The following COPZ1 variants were observed in gnomAD, a reference collection of about 807,000 sequenced individuals.
COPZ1 encodes coatomer subunit zeta-1.
In COPZ1, 4 loss-of-function variants were observed where a neutral mutation model predicts 31.7. The ratio of observed to expected loss-of-function variants is 0.13; its 90% CI spans 0.06 to 0.29. The LOEUF (loss-of-function observed/expected upper bound fraction) is 0.29, where lower values mean the gene tolerates loss of function less well. Ranked by LOEUF, COPZ1 falls within the 10% of genes least tolerant of loss-of-function variation. The pLI is 1.00. For synonymous variants in COPZ1, 74 were observed against 79.0 expected, an observed-to-expected ratio of 0.94 and a Z score of 0.33; for missense variants, 156 against 211.5, an observed-to-expected ratio of 0.74 and a Z score of 1.63.
chr12:54,345,039 TA>T lies in COPZ1; in HGVS notation c.262-420del, dbSNP rs781439338. 1.7e-4 allele frequency: 27 copies of T among 154,868 alleles called. No homozygotes were observed. In the South Asian group the frequency reaches 5.1e-3, roughly 29 times the overall value. The allele number at this position is 154,868 out of a possible 1,614,324, so 9.6% of individuals were successfully genotyped here. A position where few individuals can be genotyped will look rare whatever the true frequency, so the allele number is the denominator to read the frequency against. On this transcript the variant is annotated intron_variant, in intron 4 of 8. Transcript: ENST00000262061. ...AAAGTGCTGGGATAGAGTCAGAGTC[TA>T]GACAGGGTCTAGACGTTACAGGTGT...
intron 7 of COPZ1, among the ~76,000 whole-genome samples, chr12:54,348,519 A>T (rs1488915696): frequency 1.3e-5 from 2 of 152,214 alleles, no homozygotes; most frequent in Non-Finnish European, 2.9e-5. Flanking sequence ...CTGGCGGATC[A>T]CAAGGTCAGG....
intron 1 of COPZ1, among the ~76,000 whole-genome samples, chr12:54,332,047 CG>C (rs1953765682): frequency 6.6e-6 from 1 of 152,172 alleles, no homozygotes; most frequent in African/African-American, 2.4e-5. Context: ...CCAGCAAGGC[CG>C]GGCGCGGTGG....
intron 5 of COPZ1, 49 bp downstream of exon 5, chr12:54,345,564 A>G (rs1954047591): frequency 4.9e-6 from 7 of 1,432,816 alleles, no homozygotes; most frequent in Non-Finnish European, 6.9e-6. Flanking sequence ...TGGAAAGAGC[A>G]GGGCATTGTT....
At chr12:54,341,063 A>G (rs1953966246) in intron 2 of COPZ1, among the ~76,000 whole-genome samples, 1 of 152,038 alleles carries the variant, frequency 6.6e-6, no homozygotes, top group South Asian at 2.1e-4. Flanking sequence ...CCTTAGTTGT[A>G]CTGCTGCCCT....
chr12:54,342,943 G>A (rs1954000414), intron 3 of COPZ1, among the ~76,000 whole-genome samples: 2 of 139,240 alleles, frequency 1.4e-5, no homozygotes, highest in Admixed American at 7.9e-5. Context: ...TGCAACCTCC[G>A]CCTCCCAGGT....
chr12:54,327,914 A>G (rs1433661977), intron 1 of COPZ1, among the ~76,000 whole-genome samples: 1 of 149,890 alleles, frequency 6.7e-6, no homozygotes, highest in African/African-American at 2.5e-5. Context: ...GAAGATAATA[A>G]TTGGGGAGCC....
chr12:54,346,757 G>A (rs1361801397), intron 5 of COPZ1: 5 of 660,896 alleles, frequency 7.6e-6, no homozygotes, highest in Non-Finnish European at 2.8e-6. Flanking sequence ...TTGGGAGGCT[G>A]AGGTAGGAAG....
chr12:54,333,985 A>G (rs898597267), intron 1 of COPZ1, among the ~76,000 whole-genome samples: 3 of 152,136 alleles, frequency 2.0e-5, no homozygotes, highest in Admixed American at 2.0e-4. Context: ...GTAGTCAGCT[A>G]CTTGGGAGGC....
chr12:54,342,082 G>A (rs1320506658), intron 2 of COPZ1, 124 bp from the exon 3 acceptor site: 1 of 680,380 alleles, frequency 1.5e-6, no homozygotes, highest in Non-Finnish European at 2.7e-6. Flanking sequence ...TTCCATGTCA[G>A]TATTTCTCCC....
chr12:54,339,272 A>G (rs955574630), intron 1 of COPZ1, among the ~76,000 whole-genome samples: 1 of 151,816 alleles, frequency 6.6e-6, no homozygotes, highest in African/African-American at 2.4e-5. Flanking sequence ...AAAAAAAAAA[A>G]AAAAAGAAAG....
rs952484650 is a variant in COPZ1, at chr12:54,350,389, G to C, written c.487-87G>C. The C allele has an allele frequency of 1.3e-4, 136 of 1,017,838 alleles. 1 individual carries two copies. In the Middle Eastern group the frequency reaches 2.4e-3, roughly 18 times the overall value. The allele number at this position is 1,017,838 out of a possible 1,614,324, so 63.1% of individuals were successfully genotyped here. ...TCTCCATTCTTCTAAGGACAGGGAA[G>C]ACAAGTGAGGGGAAGGAGATCCCCA... On this transcript the variant is annotated intron_variant, in intron 8 of 8. Transcript: ENST00000262061.
At chr12:54,334,165 G>A (rs1330208070) in intron 1 of COPZ1, among the ~76,000 whole-genome samples, 1 of 151,752 alleles carries the variant, frequency 6.6e-6, no homozygotes, top group Non-Finnish European at 1.5e-5. Flanking sequence ...AGGTCAAGGT[G>A]GGCAGATCAC....
Position 54,351,816 on chromosome 12 carries a change from G to C in COPZ1, c.*1293G>C, listed in dbSNP as rs1476995450. ...GAAAACCACCTTCATAAACTGCTCT[G>C]TGCAAAGAGGAATAAAACATTTTTT... On this transcript the variant is annotated 3_prime_UTR_variant, in exon 9 of 9. Coordinates refer to ENST00000262061, the MANE Select transcript of COPZ1 (RefSeq NM_016057.3). 6.6e-6 allele frequency: 1 copy of C among 152,188 alleles called. No individual in the cohort carries two copies. Among genetic ancestry groups the C allele is most frequent in the Non-Finnish European group, 1.5e-5 (1 of 68,038 alleles). The allele number at this position is 152,188 out of a possible 1,614,324, so 9.4% of individuals were successfully genotyped here. A position where few individuals can be genotyped will look rare whatever the true frequency, so the allele number is the denominator to read the frequency against.
intron 4 of COPZ1, 149 bp downstream of exon 4, chr12:54,343,465 C>A: frequency 1.5e-6 from 1 of 656,180 alleles, no homozygotes; most frequent in Non-Finnish European, 2.7e-6. Flanking sequence ...ACCAGCCTCA[C>A]AAACATGGCC....
intron 1 of COPZ1, among the ~76,000 whole-genome samples, chr12:54,335,920 C>T (rs1359360419): frequency 1.3e-5 from 2 of 152,080 alleles, no homozygotes; most frequent in Non-Finnish European, 2.9e-5. Context: ...CTCTAGTGAT[C>T]TCCTGCCTCA....
At chr12:54,339,732 G>T (rs962855015) in intron 1 of COPZ1, among the ~76,000 whole-genome samples, 1 of 152,060 alleles carries the variant, frequency 6.6e-6, no homozygotes, top group African/African-American at 2.4e-5. Context: ...GACTGAGGCC[G>T]TGATTCCTTA....
At chr12:54,325,653 T>C in intron 1 of COPZ1, 1 of 161,994 alleles carries the variant, frequency 6.2e-6, no homozygotes, top group Admixed American at 5.7e-5. Flanking sequence ...CTGTTTTGTC[T>C]TCGGTTTCCT....
At chr12:54,344,922 T>G (rs1039329578) in intron 4 of COPZ1, 5 of 152,202 alleles carry the variant, frequency 3.3e-5, no homozygotes, top group African/African-American at 1.2e-4. Context: ...CTGGCTAATT[T>G]TTTTTTGTAT....
intron 1 of COPZ1, among the ~76,000 whole-genome samples, chr12:54,329,636 G>A (rs1056576909): frequency 6.6e-6 from 1 of 152,104 alleles, no homozygotes; most frequent in Non-Finnish European, 1.5e-5. Context: ...TTTGTTCATA[G>A]GTTTTATTTT....
Sources: gnomAD v4.1 joint callset for allele counts (sites outside exome capture counted in the v4.1 genomes callset) on GRCh38, gnomAD v4.1.1 for gene constraint, MANE v1.5 for transcripts, NCBI Gene and HGNC (gene_info 2026-07-23, HGNC 2026-07-21) for gene names.